The following LIN28B variants were observed in gnomAD, a reference collection of about 807,000 sequenced individuals.
The protein encoded by LIN28B is protein lin-28 homolog B.
LIN28B carries 5 observed loss-of-function variants against 21.9 expected under a neutral mutation model. That is an observed-to-expected ratio of 0.23 (90% CI 0.12 to 0.48). The LOEUF (loss-of-function observed/expected upper bound fraction) is 0.48. Among genes scored for constraint, LIN28B ranks in the 20% least tolerant of loss-of-function variants. LIN28B has a pLI of 0.98. For synonymous variants in LIN28B, 109 were observed against 111.3 expected (o/e 0.98, Z 0.13); for missense variants, 245 against 310.5 (o/e 0.79, Z 1.58).
At chr6:105,012,046 T>C (rs1409399558) in intron 2 of LIN28B, among the ~76,000 whole-genome samples, 2 of 151,626 alleles carry the variant, frequency 1.3e-5, no homozygotes, top group Non-Finnish European at 2.9e-5. Flanking sequence ...TAATCCCAGC[T>C]ACTCGGGAGG....
chr6:105,072,828 CTATTAAAGAGACTT>C (rs1249489324), intron 3 of LIN28B, among the ~76,000 whole-genome samples: 1 of 152,172 alleles, frequency 6.6e-6, no homozygotes, highest in African/African-American at 2.4e-5. Context: ...GACATGTACA[CTATTAAAGAGACTT>C]ACTAGTTCTG....
chr6:104,992,514 G>GTGTTTT (rs1221284024), intron 2 of LIN28B, among the ~76,000 whole-genome samples: 93 of 139,678 alleles, frequency 6.7e-4, no homozygotes, highest in Admixed American at 1.8e-3. Flanking sequence ...GTGTGTGTGT[G>GTGTTTT]TTTTTTTTTT....
chr6:104,975,688 TC>T (rs1239562329), intron 2 of LIN28B, among the ~76,000 whole-genome samples: 1 of 151,712 alleles, frequency 6.6e-6, no homozygotes, highest in Non-Finnish European at 1.5e-5. Flanking sequence ...TTGTTCTGTC[TC>T]CCAGGCTGGA....
chr6:105,058,060 T>G (rs2114396678), intron 3 of LIN28B: 1 of 392,304 alleles, frequency 2.5e-6, no homozygotes, highest in South Asian at 1.9e-5. Flanking sequence ...TTCTTGAACT[T>G]TTGTCTACAG....
chr6:105,041,698 AGTT>A (rs1438214037), intron 3 of LIN28B, among the ~76,000 whole-genome samples: 6 of 152,286 alleles, frequency 3.9e-5, no homozygotes, highest in South Asian at 4.1e-4. Context: ...GGCTGAAAGT[AGTT>A]GTTCTCAATG....
chr6:105,035,953 T>C (rs987437380), intron 3 of LIN28B, among the ~76,000 whole-genome samples: 3 of 152,276 alleles, frequency 2.0e-5, no homozygotes, highest in Non-Finnish European at 2.9e-5. Flanking sequence ...ATGTTGACTT[T>C]TGGGAAAAAA....
At chr6:105,059,741 A>G (rs73771344) in intron 3 of LIN28B, among the ~76,000 whole-genome samples, 3,907 of 152,272 alleles carry the variant, frequency 0.026, 171 homozygotes, top group African/African-American at 0.089. Context: ...CCCAAAAAGT[A>G]TGGCAAATAG....
chr6:104,988,358 T>C (rs1770390215), intron 2 of LIN28B, among the ~76,000 whole-genome samples: 1 of 152,142 alleles, frequency 6.6e-6, no homozygotes, highest in African/African-American at 2.4e-5. Context: ...TATCCAGATA[T>C]AAAGCCTGAT....
At chr6:104,956,340 C>T (rs1208848693), upstream of LIN28B, among the ~76,000 whole-genome samples, 1 of 152,134 alleles carries the variant, frequency 6.6e-6, no homozygotes, top group Non-Finnish European at 1.5e-5. Context: ...TTTAGGAAGT[C>T]ATTAATCACA....
At chr6:104,998,005 A>G (rs1278852574) in intron 2 of LIN28B, among the ~76,000 whole-genome samples, 2 of 152,216 alleles carry the variant, frequency 1.3e-5, no homozygotes, top group African/African-American at 4.8e-5. Flanking sequence ...TTGTTGAAAG[A>G]TTGTTTTAAA....
At chr6:104,961,956 C>T (rs1433419357) in intron 2 of LIN28B, among the ~76,000 whole-genome samples, 1 of 152,090 alleles carries the variant, frequency 6.6e-6, no homozygotes, top group Non-Finnish European at 1.5e-5. Flanking sequence ...TGGAGAAGGG[C>T]AACGTTAACC....
At chr6:105,049,184 A>T (rs1771837857) in intron 3 of LIN28B, among the ~76,000 whole-genome samples, 1 of 152,066 alleles carries the variant, frequency 6.6e-6, no homozygotes, top group Non-Finnish European at 1.5e-5. Context: ...TATGTCCCAG[A>T]GATTTTGGTT....
rs1404449772 is a variant in LIN28B, at chr6:104,958,295, A to G, written c.198+9A>G. The G allele has an allele frequency of 9.1e-6, 14 of 1,538,484 alleles. No individual in the cohort carries two copies. The highest frequency in any genetic ancestry group is 1.4e-5 in the African/African-American group (1 of 73,924). On this transcript the variant is annotated intron_variant, in intron 2 of 3. Coordinates refer to ENST00000345080, the MANE Select transcript of LIN28B (RefSeq NM_001004317.4). ...ATGTATTTGTACACCAAGTAAGCCA[A>G]ACTTTTTTGTCCCCCTCTTCATCTT...
At chr6:104,986,893 C>T (rs572218489) in intron 2 of LIN28B, among the ~76,000 whole-genome samples, 1 of 152,308 alleles carries the variant, frequency 6.6e-6, no homozygotes, top group South Asian at 2.1e-4. Flanking sequence ...CTTGCCAGCT[C>T]CCCACACACT....
intron 2 of LIN28B, among the ~76,000 whole-genome samples, chr6:104,983,691 C>T (rs1241340571): frequency 1.3e-5 from 2 of 152,160 alleles, no homozygotes; most frequent in Non-Finnish European, 2.9e-5. Flanking sequence ...ATTCTCCTGC[C>T]TCAGCCTCCC....
intron 2 of LIN28B, among the ~76,000 whole-genome samples, chr6:105,002,652 T>G (rs1397607541): frequency 6.6e-6 from 1 of 152,202 alleles, no homozygotes; most frequent in Non-Finnish European, 1.5e-5. Flanking sequence ...AGTTTGTTGG[T>G]CAGGACTCCT....
chr6:104,956,192 C>G (rs930985269), upstream of LIN28B, among the ~76,000 whole-genome samples: 1 of 152,092 alleles, frequency 6.6e-6, no homozygotes. Flanking sequence ...ACTCTGCTGC[C>G]GCCTATCCTG....
intron 3 of LIN28B, among the ~76,000 whole-genome samples, chr6:105,037,940 G>C (rs1372326144): frequency 6.6e-6 from 1 of 152,170 alleles, no homozygotes; most frequent in East Asian, 1.9e-4. Flanking sequence ...TGTAGAGAAA[G>C]AGTAAGATTG....
intron 2 of LIN28B, among the ~76,000 whole-genome samples, chr6:104,949,767 C>G (rs1342305344): frequency 6.6e-6 from 1 of 152,064 alleles, no homozygotes; most frequent in Non-Finnish European, 1.5e-5. Flanking sequence ...ACTGTGTGGC[C>G]TCTTTATTGC....
Sources: gnomAD v4.1 joint callset for allele counts (sites outside exome capture counted in the v4.1 genomes callset) on GRCh38, gnomAD v4.1.1 for gene constraint, MANE v1.5 for transcripts, NCBI Gene and HGNC (gene_info 2026-07-23, HGNC 2026-07-21) for gene names.